Variants in STX3 observed in about 807,000 individuals in gnomAD.
STX3 encodes syntaxin 3.
STX3 carries 19 observed loss-of-function variants against 40.2 expected under a neutral mutation model. That is an observed-to-expected ratio of 0.47 (90% CI 0.33 to 0.69). The LOEUF is 0.69. STX3 is among the 30% of genes least tolerant of loss of function. The probability of loss-of-function intolerance (pLI) is 0.02; values close to 1 mark genes in which losing one functional copy is unlikely to be tolerated. For missense variants in STX3, 364 were observed against 366.7 expected, an observed-to-expected ratio of 0.99 and a Z score of 0.06; for synonymous variants, 122 against 132.2, an observed-to-expected ratio of 0.92 and a Z score of 0.53.
At chr11:59,798,835 G>GATTATT (rs1371943256) in intron 10 of STX3, among the ~76,000 whole-genome samples, 23 of 151,710 alleles carry the variant, frequency 1.5e-4, no homozygotes, top group Non-Finnish European at 2.8e-4. Context: ...TAATAGTAGT[G>GATTATT]AGCATATCAA....
At chr11:59,771,962 G>A (rs1301225830) in intron 1 of STX3, among the ~76,000 whole-genome samples, 1 of 152,200 alleles carries the variant, frequency 6.6e-6, no homozygotes. Flanking sequence ...AGACCAGCCA[G>A]AGAATGAGAT....
intron 2 of STX3, among the ~76,000 whole-genome samples, chr11:59,784,156 A>G (rs1462280311): frequency 1.3e-5 from 2 of 152,202 alleles, no homozygotes; most frequent in African/African-American, 2.4e-5. Context: ...CTGTGCTTCT[A>G]CCATTGACTG....
intron 10 of STX3, among the ~76,000 whole-genome samples, chr11:59,798,335 G>A (rs1865653799): frequency 6.6e-6 from 1 of 151,642 alleles, no homozygotes; most frequent in African/African-American, 2.4e-5. Context: ...AGCCTCCTGA[G>A]TAGCTGGGAT....
chr11:59,803,530 G>A lies in STX3; in HGVS notation c.*2706G>A, dbSNP rs1254131385. ...AAGGTGGCAATCTGTCCTATAACCTGGTGTGGCAGAATGCTTTGTACAGGT... is the reference window on the plus strand; with the variant it reads ...AAGGTGGCAATCTGTCCTATAACCTAGTGTGGCAGAATGCTTTGTACAGGT... On this transcript the variant is annotated 3_prime_UTR_variant, in exon 11 of 11. Coordinates refer to ENST00000337979, the MANE Select transcript of STX3 (RefSeq NM_004177.5). Among the ~76,000 whole-genome samples the A allele has an allele frequency of 2.6e-5, 4 of 152,306 alleles. No homozygotes were observed. The highest frequency in any genetic ancestry group is 1.9e-4 in the East Asian group (1 of 5,182).
chr11:59,797,471 C>G lies in STX3; in HGVS notation c.*30+75C>G, dbSNP rs879546128. The stretch of plus-strand genomic sequence containing the variant: ...GAAATTAGCTTGGGATTTCAAATTC[C>G]TCTTCTTTCCCCCTATGATTGTCCT... On this transcript the variant is annotated intron_variant, in intron 10 of 10. Transcript: ENST00000337979. The G allele has an allele frequency of 7.3e-6, 8 of 1,089,896 alleles. No individual in the cohort carries two copies. The Admixed American group carries it at 1.2e-4, about 16-fold the overall frequency. 67.5% of individuals were successfully genotyped at this position (1,089,896 alleles called of 1,614,324 possible).
chr11:59,793,525 G>T lies in STX3; in HGVS notation c.675+11G>T, dbSNP rs369185553. The T allele has an allele frequency of 1.9e-5, 30 of 1,610,840 alleles. No individual in the cohort carries two copies. The highest frequency in any genetic ancestry group is 2.2e-5 in the Non-Finnish European group (26 of 1,177,822). On this transcript the variant is annotated intron_variant, in intron 8 of 10. Coordinates refer to ENST00000337979, the MANE Select transcript of STX3 (RefSeq NM_004177.5). ...CTGGTGGAGAATCAGGTAAGTGGCAGTGAGTCCCAGCGTGGGGAGGGAGGA... is the reference window on the plus strand; with the variant it reads ...CTGGTGGAGAATCAGGTAAGTGGCATTGAGTCCCAGCGTGGGGAGGGAGGA...
chr11:59,770,812 G>C lies in STX3; in HGVS notation c.31-2399G>C, dbSNP rs138281619. Among the ~76,000 whole-genome samples the C allele has an allele frequency of 1.7e-3, 257 of 152,220 alleles. 2 individuals are homozygous for C. Among genetic ancestry groups the C allele is most frequent in the South Asian group, 0.015 (72 of 4,820 alleles). On this transcript the variant is annotated intron_variant, in intron 1 of 10. Coordinates refer to ENST00000337979, the MANE Select transcript of STX3 (RefSeq NM_004177.5). ...TTGCAAGTGACAAAACTCAAGTCTG[G>C]CTAAATGAACTTAAAAAAGACATAT...
Position 59,765,965 on chromosome 11 carries a change from C to T in STX3, c.31-7246C>T, listed in dbSNP as rs944715937. Among the ~76,000 whole-genome samples the T allele has an allele frequency of 2.0e-4, 31 of 152,334 alleles. 1 individual carries two copies. Among genetic ancestry groups the T allele is most frequent in the Non-Finnish European group, 3.5e-4 (24 of 68,020 alleles). ...AAGAGAAGGTGCAAGAATTTGTACT[C>T]GCTTGGTTGTGCCAGGAGGGGTGCT... is the stretch of plus-strand genomic sequence containing the variant. On this transcript the variant is annotated intron_variant, in intron 1 of 10. Coordinates refer to ENST00000337979, the MANE Select transcript of STX3 (RefSeq NM_004177.5).
chr11:59,771,393 T>TCACCCCC (rs1863622808), intron 1 of STX3, among the ~76,000 whole-genome samples: 1 of 60,432 alleles, frequency 1.7e-5, no homozygotes. Flanking sequence ...TTGCCCCCCG[T>TCACCCCC]CCCCCCACCT....
At chr11:59,795,847 T>C in intron 9 of STX3, 1 of 738,398 alleles carries the variant, frequency 1.4e-6, no homozygotes, top group South Asian at 1.7e-5. Context: ...CCCTCAGCTT[T>C]TCCTAGAGAC....
intron 1 of STX3, among the ~76,000 whole-genome samples, chr11:59,772,974 A>AAC (rs3035302): frequency 0.28 from 39,343 of 140,462 alleles, 5,882 homozygotes; most frequent in East Asian, 0.54. Context: ...CCCTGAAAGA[A>AAC]ACACACACAC....
At position 59,805,186 on chromosome 11, in the gene STX3, A is replaced by AC. The variant is rs1866036269; in HGVS notation, c.*4362_*4363insC. 1.3e-5 allele frequency: 2 copies of AC among 148,264 alleles called. No homozygotes were observed. The highest frequency in any genetic ancestry group is 5.2e-5 in the African/African-American group (2 of 38,416). 9.2% of individuals were successfully genotyped at this position (148,264 alleles called of 1,614,324 possible). On this transcript the variant is annotated 3_prime_UTR_variant, in exon 11 of 11. Coordinates refer to ENST00000337979, the MANE Select transcript of STX3 (RefSeq NM_004177.5). Reference sequence around the variant, plus strand: ...GAGCTAAATTCCATCTAAAAAAAAAAAAAAAACAAAAAAAAAAAACTGTTC... The same window carrying AC: ...GAGCTAAATTCCATCTAAAAAAAAAACAAAAAACAAAAAAAAAAAACTGTTC...
At chr11:59,767,704 G>A (rs1431197061) in intron 1 of STX3, among the ~76,000 whole-genome samples, 1 of 152,172 alleles carries the variant, frequency 6.6e-6, no homozygotes, top group African/African-American at 2.4e-5. Flanking sequence ...ATGCTACAGT[G>A]GGAAAAACTC....
Position 59,786,198 on chromosome 11 carries a change from ATC to A in STX3, c.115-833_115-832del, listed in dbSNP as rs1383827092. 2.7e-5 allele frequency among the ~76,000 whole-genome samples: 4 copies of A among 150,102 alleles called. No individual in the cohort carries two copies. The South Asian group carries it at 8.5e-4, about 32-fold the overall frequency. On this transcript the variant is annotated intron_variant, in intron 2 of 10. Coordinates refer to ENST00000337979, the MANE Select transcript of STX3 (RefSeq NM_004177.5). ...TCTCCTGAGACCTTCATTGCCTAGTATCTCTCTTTTTCTCTCCTTGTTTTCTT... is the reference window on the plus strand; with the variant it reads ...TCTCCTGAGACCTTCATTGCCTAGTATCTCTTTTTCTCTCCTTGTTTTCTT...
At chr11:59,770,128 T>C (rs1257614754) in intron 1 of STX3, among the ~76,000 whole-genome samples, 1 of 150,920 alleles carries the variant, frequency 6.6e-6, no homozygotes, top group Non-Finnish European at 1.5e-5. Context: ...GTGTGGAGTG[T>C]GTACGTGTGC....
At chr11:59,769,556 G>A (rs1590762374) in intron 1 of STX3, among the ~76,000 whole-genome samples, 2 of 152,228 alleles carry the variant, frequency 1.3e-5, no homozygotes, top group East Asian at 1.9e-4. Context: ...CTCTTTGCCC[G>A]TTTCACAGAT....
chr11:59,762,712 G>A (rs1232497924), intron 1 of STX3, among the ~76,000 whole-genome samples: 1 of 152,160 alleles, frequency 6.6e-6, no homozygotes, highest in Non-Finnish European at 1.5e-5. Flanking sequence ...ACAGGGGAAG[G>A]GAGTGGAAGA....
upstream of STX3, chr11:59,754,339 G>A (rs1216676639): frequency 2.0e-5 from 3 of 152,226 alleles, no homozygotes; most frequent in Admixed American, 6.5e-5. Context: ...GGCAGAAGAG[G>A]GCAAAGTACT....
intron 2 of STX3, among the ~76,000 whole-genome samples, chr11:59,785,611 G>A (rs1399540318): frequency 6.6e-6 from 1 of 152,122 alleles, no homozygotes; most frequent in East Asian, 1.9e-4. Flanking sequence ...GATTACAGGT[G>A]TGAGCCATTG....
Sources: allele counts gnomAD v4.1 joint callset (sites outside exome capture counted in the v4.1 genomes callset), GRCh38; gene constraint gnomAD v4.1.1; transcripts MANE v1.5; gene names NCBI Gene and HGNC (gene_info 2026-07-23, HGNC 2026-07-21).